MAST4: variants seen among roughly 807,000 people sequenced by gnomAD.
The protein encoded by MAST4 is microtubule-associated serine/threonine-protein kinase 4.
A neutral mutation model predicts 162.7 loss-of-function variants in MAST4; 89 were observed. That is an observed-to-expected ratio of 0.55 (90% CI 0.46 to 0.65). MAST4 has a LOEUF of 0.65. Ranked by LOEUF, MAST4 falls within the 30% of genes least tolerant of loss-of-function variation. The pLI is 0.00. For missense variants in MAST4, 3,153 were observed against 3,374.0 expected (o/e 0.93, Z 1.62); for synonymous variants, 1,479 against 1,361.1 (o/e 1.09, Z -1.91).
chr5:67,072,438 A>C (rs1001891310), intron 5 of MAST4, among the ~76,000 whole-genome samples: 12 of 152,326 alleles, frequency 7.9e-5, no homozygotes, highest in Admixed American at 6.5e-4. Flanking sequence ...ATTTAGACTA[A>C]TGGCCAATGT....
chr5:66,644,476 G>T (rs1745692803), intron 1 of MAST4, among the ~76,000 whole-genome samples: 1 of 152,224 alleles, frequency 6.6e-6, no homozygotes, highest in Non-Finnish European at 1.5e-5. Context: ...TACTGAGAGA[G>T]AAATCTCTTT....
intron 2 of MAST4, among the ~76,000 whole-genome samples, chr5:66,783,600 G>A (rs753828898): frequency 7.2e-5 from 11 of 152,156 alleles, no homozygotes; most frequent in South Asian, 2.1e-4. Context: ...TGTCTTTTGC[G>A]TTAGGCTGTT....
chr5:66,700,798 T>C (rs866701597), intron 1 of MAST4, among the ~76,000 whole-genome samples: 5,406 of 136,150 alleles, frequency 0.04, 282 homozygotes, highest in African/African-American at 0.12. Context: ...TATATATATA[T>C]ATACACACAC....
At chr5:66,916,961 C>T in intron 4 of MAST4, 1 of 717,984 alleles carries the variant, frequency 1.4e-6, no homozygotes, top group South Asian at 1.5e-5. Flanking sequence ...TCCTTACGTA[C>T]TGGTCCTTTT....
chr5:67,017,071 T>TAC (rs1753384317), intron 4 of MAST4, among the ~76,000 whole-genome samples: 2 of 152,228 alleles, frequency 1.3e-5, no homozygotes, highest in Middle Eastern at 3.2e-3. Context: ...GGCACTCAAA[T>TAC]ACACCTTTTC....
At chr5:67,009,376 G>A (rs1043426151) in intron 4 of MAST4, among the ~76,000 whole-genome samples, 30 of 152,296 alleles carry the variant, frequency 2.0e-4, no homozygotes, top group Admixed American at 5.2e-4. Flanking sequence ...AGAGTTCCAG[G>A]AACTAGACAT....
At chr5:67,140,087 A>T (rs1770175793) in intron 19 of MAST4, among the ~76,000 whole-genome samples, 1 of 152,198 alleles carries the variant, frequency 6.6e-6, no homozygotes, top group African/African-American at 2.4e-5. Context: ...TGCTTTTCTG[A>T]TAAAATCGAG....
At chr5:66,736,343 A>G (rs1195305579) in intron 1 of MAST4, among the ~76,000 whole-genome samples, 1 of 138,030 alleles carries the variant, frequency 7.2e-6, no homozygotes. Context: ...TGGTCCTTGT[A>G]TGTGTGTGCC....
intron 4 of MAST4, among the ~76,000 whole-genome samples, chr5:67,022,698 T>A (rs1754130955): frequency 6.6e-6 from 1 of 152,208 alleles, no homozygotes; most frequent in Admixed American, 6.5e-5. Flanking sequence ...ACACATTTAA[T>A]GTTCAAATAC....
At chr5:66,640,466 C>A (rs1323698495) in intron 1 of MAST4, among the ~76,000 whole-genome samples, 7 of 152,168 alleles carry the variant, frequency 4.6e-5, no homozygotes, top group Non-Finnish European at 7.4e-5. Flanking sequence ...CGCCTCCACG[C>A]CTGGCTAATT....
chr5:66,614,997 C>A (rs961089443), intron 1 of MAST4, among the ~76,000 whole-genome samples: 1 of 152,196 alleles, frequency 6.6e-6, no homozygotes, highest in Admixed American at 6.5e-5. Context: ...GTATTTCACG[C>A]AGGAACCAGG....
rs59043309 is a variant in MAST4 at position 66,951,598 on chromosome 5, ATGTGTGTGTGTGTGTGTGTGTG to A, written c.674+51650_674+51671del. On this transcript the variant is annotated intron_variant, in intron 4 of 28. Transcript: ENST00000403625. ...AGGCCATTATTTTGCCTCCCATGAT[ATGTGTGTGTGTGTGTGTGTGTG>A]TGTGTGTGTGTGTGTGTGTGTGTGT... Among the ~76,000 whole-genome samples, 34 of 122,418 alleles carry A rather than the reference ATGTGTGTGTGTGTGTGTGTGTG, an allele frequency of 2.8e-4. 1 individual carries two copies. Among genetic ancestry groups the A allele is most frequent in the Admixed American group, 1.8e-3 (22 of 11,902 alleles). 80.3% of individuals were successfully genotyped at this position (122,418 alleles called of 152,430 possible). A position where few individuals can be genotyped will look rare whatever the true frequency, so the allele number is the denominator to read the frequency against.
At chr5:66,857,699 G>C (rs1759791345) in intron 3 of MAST4, among the ~76,000 whole-genome samples, 1 of 151,982 alleles carries the variant, frequency 6.6e-6, no homozygotes, top group Admixed American at 6.6e-5. Context: ...CTAAGTTGTT[G>C]GGTCATATAT....
At chr5:66,821,751 G>A (rs1348879531) in intron 3 of MAST4, among the ~76,000 whole-genome samples, 1 of 152,180 alleles carries the variant, frequency 6.6e-6, no homozygotes, top group African/African-American at 2.4e-5. Context: ...TCTGACTTGG[G>A]TGTTGAGGAG....
intron 3 of MAST4, among the ~76,000 whole-genome samples, chr5:66,863,018 T>C (rs779933809): frequency 5.8e-4 from 89 of 152,320 alleles, no homozygotes; most frequent in Admixed American, 1.1e-3. Context: ...AAAGGTAAAT[T>C]GAAGTATAAC....
At chr5:66,664,435 C>CAAAAAAA (rs58704256) in intron 1 of MAST4, among the ~76,000 whole-genome samples, 2 of 93,920 alleles carry the variant, frequency 2.1e-5, no homozygotes, top group Admixed American at 1.1e-4. Context: ...AACTCCATTT[C>CAAAAAAA]AAAAAAAAAA....
intron 4 of MAST4, among the ~76,000 whole-genome samples, chr5:66,954,561 G>A (rs890423123): frequency 2.0e-5 from 3 of 152,148 alleles, no homozygotes; most frequent in Non-Finnish European, 2.9e-5. Context: ...TCTGATAGGG[G>A]AAGACAGACA....
chr5:67,078,917 TA>T (rs1762188342), intron 5 of MAST4, among the ~76,000 whole-genome samples: 1 of 55,108 alleles, frequency 1.8e-5, no homozygotes, highest in African/African-American at 1.1e-4. Context: ...TATAAATATA[TA>T]TATATATATA....
chr5:66,986,403 G>A, intron 4 of MAST4: 1 of 1,279,310 alleles, frequency 7.8e-7, no homozygotes, highest in Non-Finnish European at 1.1e-6. Context: ...ATCTGTAAAT[G>A]TGCATCATAT....
Sources: gnomAD v4.1 joint callset for allele counts (sites outside exome capture counted in the v4.1 genomes callset) on GRCh38, gnomAD v4.1.1 for gene constraint, MANE v1.5 for transcripts, NCBI Gene and HGNC (gene_info 2026-07-23, HGNC 2026-07-21) for gene names.